EYS: variants seen among roughly 807,000 people sequenced by gnomAD.
EYS encodes the protein protein eyes shut homolog.
Under a neutral mutation model 282.1 loss-of-function variants are expected in EYS, and 250 were observed. The ratio of observed to expected loss-of-function variants is 0.89; its 90% confidence interval spans 0.80 to 0.98. The LOEUF (loss-of-function observed/expected upper bound fraction) is 0.98. Among genes scored for constraint, EYS ranks in the 50% least tolerant of loss-of-function variants. The probability of loss-of-function intolerance (pLI) is 0.00; values close to 1 mark genes in which losing one functional copy is unlikely to be tolerated. For missense variants in EYS, 4,016 were observed against 3,709.0 expected (o/e 1.08, Z -2.15); for synonymous variants, 1,355 against 1,282.9 (o/e 1.06, Z -1.20).
At chr6:63,863,671 T>TTCTTTTCTTTTCTTTTC (rs1554182913) in intron 36 of EYS, among the ~76,000 whole-genome samples, 2 of 62,006 alleles carry the variant, frequency 3.2e-5, no homozygotes, top group African/African-American at 1.1e-4. Flanking sequence ...TTCTTTTCTT[T>TTCTTTTCTTTTCTTTTC]TTTCTTTTTT....
intron 31 of EYS, among the ~76,000 whole-genome samples, chr6:64,099,566 G>A (rs1388991363): frequency 1.3e-5 from 2 of 152,014 alleles, no homozygotes; most frequent in Non-Finnish European, 2.9e-5. Flanking sequence ...GATCTTCCAT[G>A]TTGATGATAT....
At chr6:65,100,189 T>G (rs1774854709) in intron 12 of EYS, among the ~76,000 whole-genome samples, 1 of 150,938 alleles carries the variant, frequency 6.6e-6, no homozygotes, top group Middle Eastern at 3.4e-3. Flanking sequence ...CAAATAATAT[T>G]ATAACAGCAT....
chr6:63,842,098 T>C (rs527966711), intron 36 of EYS, among the ~76,000 whole-genome samples: 244 of 152,346 alleles, frequency 1.6e-3, no homozygotes, highest in African/African-American at 5.6e-3. Context: ...TATAGTAGAA[T>C]GATTTATCAT....
At chr6:64,904,686 G>T (rs1404812391) in intron 16 of EYS, among the ~76,000 whole-genome samples, 2 of 152,134 alleles carry the variant, frequency 1.3e-5, no homozygotes, top group African/African-American at 4.8e-5. Flanking sequence ...TTCTTTTGAG[G>T]CAGTGGAACT....
At chr6:65,250,062 G>A (rs1767282395) in intron 12 of EYS, among the ~76,000 whole-genome samples, 1 of 151,970 alleles carries the variant, frequency 6.6e-6, no homozygotes, top group East Asian at 1.9e-4. Context: ...GAGAAGCAAG[G>A]CTCAAAAAAT....
intron 30 of EYS, among the ~76,000 whole-genome samples, chr6:64,235,680 G>T (rs1425293157): frequency 2.0e-5 from 3 of 152,122 alleles, no homozygotes; most frequent in Admixed American, 6.5e-5. Context: ...CTTCCACAAT[G>T]GTTGAACTAG....
chr6:64,627,311 G>A (rs1767640850), intron 22 of EYS, among the ~76,000 whole-genome samples: 1 of 152,340 alleles, frequency 6.6e-6, no homozygotes, highest in South Asian at 2.1e-4. Context: ...TATCATGGCA[G>A]AGTATACGCA....
At chr6:65,401,658 C>T (rs1766503183) in intron 7 of EYS, among the ~76,000 whole-genome samples, 1 of 151,670 alleles carries the variant, frequency 6.6e-6, no homozygotes, top group African/African-American at 2.4e-5. Context: ...TAAAAAAAAT[C>T]TTTAAATTTG....
intron 36 of EYS, among the ~76,000 whole-genome samples, chr6:63,829,644 T>C (rs942409162): frequency 1.3e-5 from 2 of 152,172 alleles, no homozygotes; most frequent in Non-Finnish European, 2.9e-5. Context: ...GGGCAGGGCA[T>C]AGCTGAACAA....
intron 35 of EYS, among the ~76,000 whole-genome samples, chr6:63,973,359 T>G (rs1354167547): frequency 2.0e-5 from 3 of 151,980 alleles, no homozygotes; most frequent in Non-Finnish European, 4.4e-5. Flanking sequence ...GTCTTCTTTT[T>G]GCCCAGAATC....
At chr6:64,782,711 C>T (rs529142172) in intron 22 of EYS, among the ~76,000 whole-genome samples, 60 of 152,228 alleles carry the variant, frequency 3.9e-4, no homozygotes, top group African/African-American at 1.3e-3. Context: ...TTATATTAAT[C>T]TCAAGATGAA....
At chr6:65,298,597 C>A (rs182104760) in intron 11 of EYS, among the ~76,000 whole-genome samples, 548 of 151,974 alleles carry the variant, frequency 3.6e-3, no homozygotes, top group Admixed American at 5.8e-3. Context: ...AGAGCAACAA[C>A]CTACTTGTTC....
At chr6:65,697,566 T>C (rs1769499438) in intron 1 of EYS, among the ~76,000 whole-genome samples, 1 of 152,122 alleles carries the variant, frequency 6.6e-6, no homozygotes, top group Admixed American at 6.6e-5. Context: ...CTCTGCATTT[T>C]ATTTCTGACA....
chr6:64,690,164 G>A (rs1020413697), intron 22 of EYS, among the ~76,000 whole-genome samples: 26 of 152,046 alleles, frequency 1.7e-4, no homozygotes, highest in Middle Eastern at 3.4e-3. Flanking sequence ...AAAAGTGGGC[G>A]AAGGATATGA....
intron 31 of EYS, among the ~76,000 whole-genome samples, chr6:64,191,465 AG>A (rs943008675): frequency 2.7e-5 from 4 of 147,028 alleles, no homozygotes; most frequent in African/African-American, 1.0e-4. Context: ...TATATCGTCC[AG>A]TGCTATCCCT....
chr6:64,240,998 T>C (rs1173439867), intron 30 of EYS, among the ~76,000 whole-genome samples: 3 of 152,222 alleles, frequency 2.0e-5, no homozygotes, highest in Non-Finnish European at 4.4e-5. Context: ...TTTCTGCATC[T>C]ATTGAGATAA....
intron 36 of EYS, among the ~76,000 whole-genome samples, chr6:63,852,680 A>C (rs577670644): frequency 6.6e-6 from 1 of 152,292 alleles, no homozygotes; most frequent in Non-Finnish European, 1.5e-5. Context: ...ACACAACAAA[A>C]AAAGAAAATT....
chr6:64,382,168 T>C (rs1456275353), intron 29 of EYS, among the ~76,000 whole-genome samples: 1 of 152,142 alleles, frequency 6.6e-6, no homozygotes, highest in East Asian at 1.9e-4. Flanking sequence ...CCTCTGCCTG[T>C]TTTTCTGCCT....
intron 40 of EYS, among the ~76,000 whole-genome samples, chr6:63,770,506 C>T (rs538560008): frequency 6.0e-4 from 92 of 152,124 alleles, no homozygotes; most frequent in South Asian, 5.8e-3. Context: ...ATATAATAAA[C>T]GCATGTAATT....
Sources: allele counts gnomAD v4.1 joint callset (sites outside exome capture counted in the v4.1 genomes callset), GRCh38; gene constraint gnomAD v4.1.1; transcripts MANE v1.5; gene names NCBI Gene and HGNC (gene_info 2026-07-23, HGNC 2026-07-21).